SEMA3A: variants seen among roughly 807,000 people sequenced by gnomAD.
SEMA3A encodes semaphorin 3A.
In SEMA3A, 29 loss-of-function variants were observed where a neutral mutation model predicts 97.9. The ratio of observed to expected loss-of-function variants is 0.30; its 90% CI spans 0.22 to 0.40. SEMA3A has a LOEUF of 0.40. Among genes scored for constraint, SEMA3A ranks in the 10% least tolerant of loss-of-function variants. The pLI, the probability that SEMA3A is intolerant of heterozygous loss-of-function variation, is 1.00. For synonymous variants in SEMA3A, 321 were observed against 323.7 expected, an observed-to-expected ratio of 0.99 and a Z score of 0.09; for missense variants, 763 against 951.3, an observed-to-expected ratio of 0.80 and a Z score of 2.60.
chr7:84,046,094 C>T (rs1792338035), intron 6 of SEMA3A, among the ~76,000 whole-genome samples: 1 of 152,004 alleles, frequency 6.6e-6, no homozygotes, highest in African/African-American at 2.4e-5. Context: ...CTTTCCATAG[C>T]TAACTACTGA....
intron 1 of SEMA3A, among the ~76,000 whole-genome samples, chr7:84,143,372 T>C (rs559248975): frequency 6.6e-6 from 1 of 152,258 alleles, no homozygotes; most frequent in South Asian, 2.1e-4. Flanking sequence ...ATTTCAAATA[T>C]AGTGAAACTT....
At chr7:84,299,601 G>A (rs952039638) in intron 3 of SEMA3A, among the ~76,000 whole-genome samples, 1 of 151,382 alleles carries the variant, frequency 6.6e-6, no homozygotes, top group Admixed American at 6.6e-5. Context: ...CCAATGGACA[G>A]CTTAGAATTA....
intron 3 of SEMA3A, among the ~76,000 whole-genome samples, chr7:84,254,503 T>TG (rs1799673171): frequency 6.6e-6 from 1 of 152,108 alleles, no homozygotes; most frequent in South Asian, 2.1e-4. Context: ...TGATCTGCGG[T>TG]GGCTTAGCAA....
chr7:84,067,753 C>G (rs1319178865), intron 4 of SEMA3A, among the ~76,000 whole-genome samples: 1 of 151,216 alleles, frequency 6.6e-6, no homozygotes, highest in Non-Finnish European at 1.5e-5. Flanking sequence ...GAATGGCAAT[C>G]ATTAAAAAGT....
chr7:84,243,352 ACTTCTTC>A (rs1799408614), intron 3 of SEMA3A, among the ~76,000 whole-genome samples: 1 of 152,088 alleles, frequency 6.6e-6, no homozygotes, highest in Admixed American at 6.6e-5. Context: ...CAGGGATTCG[ACTTCTTC>A]CTGGTTTAGT....
intron 2 of SEMA3A, among the ~76,000 whole-genome samples, chr7:84,129,443 C>T (rs1584008536): frequency 6.6e-6 from 1 of 152,258 alleles, no homozygotes; most frequent in East Asian, 1.9e-4. Flanking sequence ...GACAATAGAT[C>T]TAAGCAGTGT....
intron 12 of SEMA3A, among the ~76,000 whole-genome samples, chr7:83,989,372 T>C (rs1043959853): frequency 1.3e-5 from 2 of 151,822 alleles, no homozygotes; most frequent in Non-Finnish European, 1.5e-5. Context: ...CTTGTGCAGG[T>C]TAGTTACATA....
intron 3 of SEMA3A, among the ~76,000 whole-genome samples, chr7:84,122,897 A>C: frequency 6.6e-6 from 1 of 152,292 alleles, no homozygotes; most frequent in African/African-American, 2.4e-5. Context: ...TAAATCCCTC[A>C]AGAATTTTAA....
rs1803174367 is a variant in SEMA3A, at chr7:84,378,730, A to ATG, written c.-245-6831_-245-6830insCA. ...AATGTTAAAAAAAGAATATATATAT[A>ATG]TACAGTGAATTTAGACATGAGAATA... On this transcript the variant is annotated intron_variant, in intron 1 of 3. Transcript: ENST00000424555. Among the ~76,000 whole-genome samples, 3 of 152,294 alleles carry ATG rather than the reference A, an allele frequency of 2.0e-5. No homozygotes were observed. In the South Asian group the frequency reaches 6.2e-4, roughly 32 times the overall value.
chr7:83,984,811 C>A (rs1436935900), intron 13 of SEMA3A, among the ~76,000 whole-genome samples: 1 of 151,880 alleles, frequency 6.6e-6, no homozygotes, highest in Non-Finnish European at 1.5e-5. Flanking sequence ...TAACATGCTG[C>A]CCTTAACCTT....
At position 84,263,990 on chromosome 7, in the gene SEMA3A, T is replaced by C. The variant is rs533643693; in HGVS notation, c.-83+43217A>G. Among the ~76,000 whole-genome samples, 171 of 152,338 alleles carry C rather than the reference T, an allele frequency of 1.1e-3. 1 individual carries two copies. The highest frequency in any genetic ancestry group is 3.9e-3 in the African/African-American group (164 of 41,582). ...GTAAAATATAACATATACTAACTTA[T>C]TTTTAAATGTAAGTTGTAAATAAAT... On this transcript the variant is annotated intron_variant, in intron 3 of 3. Transcript: ENST00000424555.
At chr7:84,167,234 AT>A (rs1797241802) in intron 1 of SEMA3A, among the ~76,000 whole-genome samples, 1 of 152,184 alleles carries the variant, frequency 6.6e-6, no homozygotes, top group African/African-American at 2.4e-5. Flanking sequence ...TGTGGTTGAT[AT>A]GTCTAGGTGG....
intron 1 of SEMA3A, among the ~76,000 whole-genome samples, chr7:84,487,403 T>C (rs1806602720): frequency 6.6e-6 from 1 of 152,028 alleles, no homozygotes; most frequent in Non-Finnish European, 1.5e-5. Flanking sequence ...GGTAGAAGTG[T>C]CCGCCAGCAA....
At chr7:84,050,145 T>C (rs1792551763) in intron 5 of SEMA3A, among the ~76,000 whole-genome samples, 1 of 151,978 alleles carries the variant, frequency 6.6e-6, no homozygotes, top group Non-Finnish European at 1.5e-5. Flanking sequence ...TCCAAGTCTT[T>C]GTTATTGTGA....
intron 1 of SEMA3A, among the ~76,000 whole-genome samples, chr7:84,465,448 C>G (rs180685425): frequency 1.2e-4 from 19 of 152,064 alleles, no homozygotes; most frequent in Middle Eastern, 6.8e-3. Flanking sequence ...CTATTATTGA[C>G]TTTCTTTTCT....
chr7:84,485,879 G>C (rs983305852), intron 1 of SEMA3A, among the ~76,000 whole-genome samples: 2 of 152,182 alleles, frequency 1.3e-5, no homozygotes, highest in Admixed American at 1.3e-4. Context: ...CTGAGGTACA[G>C]AAGAGGCTCA....
chr7:84,160,327 T>C (rs925286239), intron 1 of SEMA3A, among the ~76,000 whole-genome samples: 1 of 151,866 alleles, frequency 6.6e-6, no homozygotes. Flanking sequence ...CCTTTATATA[T>C]ATTAACCTTA....
chr7:84,277,112 C>T (rs1388915370), intron 3 of SEMA3A, among the ~76,000 whole-genome samples: 1 of 152,118 alleles, frequency 6.6e-6, no homozygotes, highest in Non-Finnish European at 1.5e-5. Context: ...TGGCATCCCT[C>T]TCATGTCTAC....
rs1789590599 is a variant in SEMA3A at position 83,985,477 on chromosome 7, C to G, written c.1453G>C (p.Glu485Gln). 6.2e-7 allele frequency: 1 copy of G among 1,606,720 alleles called. No homozygotes were observed. The highest frequency in any genetic ancestry group is 1.7e-5 in the Admixed American group (1 of 59,386). ...VLLEEMTVFREPTAISAMELS... is the reference protein window; with the variant it reads ...VLLEEMTVFRQPTAISAMELS... ...TCCATTGCTGAAATAGCAGTCGGTT[C>G]CTAAAGGAGAAAAAGAAATATGTGA... The change falls in exon 13 of 17, where the codon GAA (glutamate) becomes CAA (glutamine). Residue 485 changes from glutamate (E) to glutamine (Q), a missense_variant and splice_region_variant. Around this residue, in one of 2 missense-constraint regions of SEMA3A, gnomAD observed 678 missense variants for 881.3 expected, o/e 0.77. Transcript: ENST00000265362.
Sources: gnomAD v4.1 joint callset for allele counts (sites outside exome capture counted in the v4.1 genomes callset) on GRCh38, gnomAD v4.1.1 for gene constraint, gnomAD v4.1.1 regional missense constraint, MANE v1.5 for transcripts, NCBI Gene and HGNC (gene_info 2026-07-23, HGNC 2026-07-21) for gene names.